RIN2: variants seen among roughly 807,000 people sequenced by gnomAD.
The protein encoded by RIN2 is RAB5 interacting protein 2.
Under a neutral mutation model 78.0 loss-of-function variants are expected in RIN2, and 36 were observed. The ratio of observed to expected loss-of-function variants is 0.46; its 90% CI spans 0.35 to 0.61. RIN2 has a LOEUF of 0.61. Among genes scored for constraint, RIN2 ranks in the 20% least tolerant of loss-of-function variants. RIN2 has a pLI of 0.00. For synonymous variants in RIN2, 466 were observed against 466.8 expected, an observed-to-expected ratio of 1.00 and a Z score of 0.02; for missense variants, 1,087 against 1,159.7, an observed-to-expected ratio of 0.94 and a Z score of 0.91.
rs932539845 is a variant in RIN2 at position 19,985,403 on chromosome 20, C to T, written c.1763-4603C>T. On this transcript the variant is annotated intron_variant, in intron 9 of 12. Coordinates refer to ENST00000255006, the MANE Select transcript of RIN2 (RefSeq NM_018993.4). The stretch of plus-strand genomic sequence containing the variant: ...AAGGAAAAGCCAGCAATTGCTATGG[C>T]CTCTACCACTTTCCTCTTATGGATT... Among the ~76,000 whole-genome samples the T allele has an allele frequency of 3.9e-5, 6 of 152,184 alleles. No homozygotes were observed. The East Asian group carries it at 1.2e-3, about 29-fold the overall frequency.
At position 20,000,759 on chromosome 20, in the gene RIN2, T is replaced by C; in HGVS notation, c.2511T>C (p.Phe837=). Residue 837 remains phenylalanine, a synonymous_variant, in exon 13 of 13, where the codon TTT becomes TTC. Transcript: ENST00000255006. The part of the protein sequence containing the change: ...KVGDPEEYSL[F]LFVDETWQQL... ...GGGACCCTGAGGAGTACAGCCTCTT[T>C]CTCTTCGTTGACGAGACATGGCAGC... is the stretch of plus-strand genomic sequence containing the variant. 1.2e-6 allele frequency: 2 copies of C among 1,613,928 alleles called. No individual in the cohort carries two copies. Among genetic ancestry groups the C allele is most frequent in the Non-Finnish European group, 1.7e-6 (2 of 1,179,888 alleles).
chr20:19,779,446 G>T (rs2034422955), intron 1 of RIN2, among the ~76,000 whole-genome samples: 1 of 152,204 alleles, frequency 6.6e-6, no homozygotes, highest in African/African-American at 2.4e-5. Context: ...TTACAGCACA[G>T]TCCTCAGGGC....
intron 2 of RIN2, among the ~76,000 whole-genome samples, chr20:19,825,575 C>T (rs966554047): frequency 3.3e-5 from 5 of 152,182 alleles, no homozygotes; most frequent in South Asian, 4.1e-4. Context: ...TCCAGTGTTG[C>T]AAAATCCCAC....
chr20:19,970,936 G>T lies in RIN2; in HGVS notation c.628+7G>T. On this transcript the variant is annotated splice_region_variant and intron_variant, in intron 8 of 12. Coordinates refer to ENST00000255006, the MANE Select transcript of RIN2 (RefSeq NM_018993.4). The stretch of plus-strand genomic sequence containing the variant: ...CTGGCCCAGATGGGACTAAGTAAGT[G>T]TGTGCCCCCTGCCTGAGTCTATCTA... The T allele has an allele frequency of 6.2e-7, 1 of 1,606,500 alleles. No individual in the cohort carries two copies. Among genetic ancestry groups the T allele is most frequent in the East Asian group, 2.2e-5 (1 of 44,784 alleles).
intron 1 of RIN2, among the ~76,000 whole-genome samples, chr20:19,795,239 C>G (rs1474088726): frequency 6.6e-6 from 1 of 152,124 alleles, no homozygotes; most frequent in Non-Finnish European, 1.5e-5. Flanking sequence ...CGGAAAAGCA[C>G]CATTTGTAAG....
chr20:19,829,682 T>G (rs187041390), intron 2 of RIN2, among the ~76,000 whole-genome samples: 2 of 152,064 alleles, frequency 1.3e-5, no homozygotes, highest in African/African-American at 4.8e-5. Context: ...AGTCAAGGGA[T>G]GGATCAAGCA....
intron 1 of RIN2, among the ~76,000 whole-genome samples, chr20:19,788,354 G>C (rs562801874): frequency 7.3e-5 from 11 of 150,756 alleles, no homozygotes; most frequent in East Asian, 5.8e-4. Flanking sequence ...CAGCACTTTG[G>C]GGGGCTGAGG....
At chr20:19,981,825 C>A (rs1289695683) in intron 9 of RIN2, among the ~76,000 whole-genome samples, 1 of 152,090 alleles carries the variant, frequency 6.6e-6, no homozygotes, top group East Asian at 1.9e-4. Context: ...GCATGGCCAA[C>A]AATACTTAAA....
chr20:19,901,049 G>C (rs2123630119), intron 3 of RIN2, among the ~76,000 whole-genome samples: 1 of 151,550 alleles, frequency 6.6e-6, no homozygotes, highest in South Asian at 2.1e-4. Flanking sequence ...CTCTCCTGGT[G>C]ATTCTGATGT....
intron 3 of RIN2, among the ~76,000 whole-genome samples, chr20:19,902,228 T>C (rs546636053): frequency 1.3e-5 from 2 of 152,270 alleles, no homozygotes; most frequent in African/African-American, 2.4e-5. Context: ...AGGAATTTCA[T>C]AGAGACAGGA....
intron 1 of RIN2, among the ~76,000 whole-genome samples, chr20:19,769,438 A>G (rs1293872203): frequency 6.6e-6 from 1 of 152,206 alleles, no homozygotes; most frequent in Admixed American, 6.5e-5. Context: ...TCAAATACAC[A>G]TGAGTATCTG....
intron 9 of RIN2, among the ~76,000 whole-genome samples, chr20:19,987,495 C>CT (rs2042657412): frequency 6.6e-6 from 1 of 152,180 alleles, no homozygotes; most frequent in Non-Finnish European, 1.5e-5. Flanking sequence ...TGTGTGGCTT[C>CT]TATCAAGCCA....
intron 2 of RIN2, among the ~76,000 whole-genome samples, chr20:19,851,340 G>A (rs1600618487): frequency 6.6e-6 from 1 of 152,160 alleles, no homozygotes; most frequent in East Asian, 1.9e-4. Context: ...TCCAGACACA[G>A]GTGAATCTTG....
chr20:19,974,720 C>G lies in RIN2; in HGVS notation c.695C>G (p.Ser232Cys). The G allele has an allele frequency of 6.2e-7, 1 of 1,614,062 alleles. No individual in the cohort carries two copies. The highest frequency in any genetic ancestry group is 2.2e-5 in the East Asian group (1 of 44,880). The change falls in exon 9 of 13, where the codon TCC becomes TGC. Residue 232 changes from serine to cysteine, a missense_variant. Physicochemically the swap from Ser to Cys is moderately radical, Grantham distance 112. Coordinates refer to ENST00000255006, the MANE Select transcript of RIN2 (RefSeq NM_018993.4). ...NLPPPHRPLS[S>C]DGVCPASLRQ... ...CCACCTCCCCATAGGCCTCTTTCCT[C>G]CGACGGTGTCTGTCCTGCCTCCCTG...
chr20:19,775,455 G>T (rs771521364), intron 1 of RIN2, among the ~76,000 whole-genome samples: 26 of 152,200 alleles, frequency 1.7e-4, no homozygotes, highest in Non-Finnish European at 3.2e-4. Context: ...ACTGGTGGAG[G>T]TATGCCTACC....
chr20:19,759,346 C>T (rs2033532768), intron 1 of RIN2, among the ~76,000 whole-genome samples: 1 of 152,080 alleles, frequency 6.6e-6, no homozygotes. Flanking sequence ...GGTAAGGAAA[C>T]ATCAGAGTAC....
At chr20:19,845,178 G>A (rs907588171) in intron 2 of RIN2, among the ~76,000 whole-genome samples, 1 of 152,170 alleles carries the variant, frequency 6.6e-6, no homozygotes, top group Non-Finnish European at 1.5e-5. Flanking sequence ...ATTGTGAATA[G>A]TGCTGCAATA....
intron 3 of RIN2, among the ~76,000 whole-genome samples, chr20:19,917,092 G>A (rs561641493): frequency 6.8e-6 from 1 of 147,976 alleles, no homozygotes; most frequent in African/African-American, 2.5e-5. Context: ...GTGTAATTAA[G>A]CAGATATTTA....
intron 2 of RIN2, among the ~76,000 whole-genome samples, chr20:19,879,438 T>C (rs1049964200): frequency 3.9e-5 from 6 of 152,326 alleles, no homozygotes; most frequent in Non-Finnish European, 8.8e-5. Context: ...TCATGGTATG[T>C]TGTTATTTTG....
Sources: allele counts gnomAD v4.1 joint callset (sites outside exome capture counted in the v4.1 genomes callset), GRCh38; gene constraint gnomAD v4.1.1; transcripts MANE v1.5; gene names NCBI Gene and HGNC (gene_info 2026-07-23, HGNC 2026-07-21).